Variants in CELF2 observed in about 807,000 individuals in gnomAD.
CELF2 encodes CUGBP Elav-like family member 2, also known as CUG triplet repeat RNA-binding protein 2.
In CELF2, 8 loss-of-function variants were observed where a neutral mutation model predicts 62.6. That is an observed-to-expected ratio of 0.13 (90% confidence interval 0.07 to 0.23). The LOEUF (loss-of-function observed/expected upper bound fraction) is 0.23, where lower values mean the gene tolerates loss of function less well. Among genes scored for constraint, CELF2 ranks in the 10% least tolerant of loss-of-function variants. The probability of loss-of-function intolerance (pLI) is 1.00; values close to 1 mark genes in which losing one functional copy is unlikely to be tolerated. For missense variants in CELF2, 333 were observed against 671.0 expected (o/e 0.50, Z 5.56); for synonymous variants, 258 against 250.0 (o/e 1.03, Z -0.30).
the CELF2 span, among the ~76,000 whole-genome samples, chr10:10,718,332 A>G: frequency 6.6e-6 from 1 of 152,168 alleles, no homozygotes; most frequent in East Asian, 1.9e-4. Context: ...AGACAAATCC[A>G]TGATTTCTTG....
At chr10:10,929,372 A>G (rs1017802122) in intron 2 of CELF2, among the ~76,000 whole-genome samples, 12 of 152,250 alleles carry the variant, frequency 7.9e-5, no homozygotes, top group Non-Finnish European at 1.5e-4. Context: ...TAACCCATGT[A>G]AAGTATTTAG....
chr10:11,088,735 G>A (rs371426509), intron 1 of CELF2, among the ~76,000 whole-genome samples: 8 of 152,216 alleles, frequency 5.3e-5, no homozygotes, highest in Admixed American at 3.9e-4. Context: ...TATGGACTGC[G>A]TGGGTCAGGA....
chr10:10,734,766 C>T, the CELF2 span, among the ~76,000 whole-genome samples: 17 of 152,150 alleles, frequency 1.1e-4, no homozygotes, highest in African/African-American at 4.1e-4. Context: ...GCATATGGCC[C>T]TTTCTAATAG....
chr10:11,199,242 A>G (rs561127000), intron 2 of CELF2, among the ~76,000 whole-genome samples: 1 of 152,308 alleles, frequency 6.6e-6, no homozygotes, highest in East Asian at 1.9e-4. Flanking sequence ...TATGAGATGC[A>G]TCACCTTGTT....
intron 2 of CELF2, among the ~76,000 whole-genome samples, chr10:11,215,363 G>T (rs573881371): frequency 6.6e-6 from 1 of 152,294 alleles, no homozygotes; most frequent in African/African-American, 2.4e-5. Flanking sequence ...TCTTAGCGTT[G>T]TTTAATTCTC....
rs1033954499 is a variant in CELF2, at chr10:10,972,624, G to C, written c.89+52625G>C. On this transcript the variant is annotated intron_variant, in intron 2 of 13. Coordinates refer to the CELF2 transcript ENST00000636488. This position sits in a 1 kb window ranked among gnomAD's most constrained non-coding sequence, Gnocchi z 4.4. ...CTACATATTGATGATTCTCAGTCCC[G>C]GTCTCCATGACTGACCTTGCTGTGT... Among the ~76,000 whole-genome samples the C allele has an allele frequency of 1.4e-4, 21 of 151,998 alleles. 1 individual carries two copies. The highest frequency in any genetic ancestry group is 4.8e-4 in the African/African-American group (20 of 41,370).
chr10:11,147,962 C>T (rs1201672103), intron 1 of CELF2, among the ~76,000 whole-genome samples: 2 of 152,186 alleles, frequency 1.3e-5, no homozygotes, highest in East Asian at 1.9e-4. Context: ...CTCCCTCAGA[C>T]GGCCACAGGG....
At chr10:10,627,959 G>A in the CELF2 span, among the ~76,000 whole-genome samples, 3 of 152,190 alleles carry the variant, frequency 2.0e-5, no homozygotes, top group Admixed American at 6.5e-5. Context: ...CTGGAGTGCA[G>A]TGGCACGATC....
chr10:10,790,772 C>T, the CELF2 span, among the ~76,000 whole-genome samples: 1 of 152,124 alleles, frequency 6.6e-6, no homozygotes, highest in South Asian at 2.1e-4. Flanking sequence ...TTATTTAAAT[C>T]ACAGTGTTCA....
In CELF2 at chr10:11,247,217, C is replaced by G. The variant is rs893865315; in HGVS notation, c.355-1936C>G. ...TCTTCTGTACCTGACCACATACTTT[C>G]AGACAAAATTTCAGTTCCTTAGCTT... On this transcript the variant is annotated intron_variant, in intron 3 of 12. Transcript: ENST00000633077. The surrounding 1 kb of genome is among the most constrained non-coding windows in gnomAD (Gnocchi z 5.4). Among the ~76,000 whole-genome samples, 1 of 152,236 alleles carries G rather than the reference C, an allele frequency of 6.6e-6. No individual in the cohort carries two copies. The highest frequency in any genetic ancestry group is 1.5e-5 in the Non-Finnish European group (1 of 68,046).
chr10:10,606,013 G>A, the CELF2 span, among the ~76,000 whole-genome samples: 1 of 152,166 alleles, frequency 6.6e-6, no homozygotes, highest in African/African-American at 2.4e-5. Flanking sequence ...AACCCTGAAT[G>A]TGACTCAGAA....
At chr10:10,704,051 A>G in the CELF2 span, among the ~76,000 whole-genome samples, 5 of 152,186 alleles carry the variant, frequency 3.3e-5, no homozygotes, top group African/African-American at 7.2e-5. Flanking sequence ...TGGAACTTCT[A>G]TCACTCTCAC....
chr10:10,820,661 CAGTT>C (rs547548417), intron 1 of CELF2, among the ~76,000 whole-genome samples: 5 of 152,236 alleles, frequency 3.3e-5, no homozygotes, highest in South Asian at 4.2e-4. Flanking sequence ...ATCTCTCACT[CAGTT>C]AGGGAAATCA....
chr10:10,939,735 A>G (rs1473027367), intron 2 of CELF2, among the ~76,000 whole-genome samples: 1 of 151,936 alleles, frequency 6.6e-6, no homozygotes, highest in African/African-American at 2.4e-5. Flanking sequence ...CGGACGGATC[A>G]CGAGGTCAGG....
Position 11,011,116 on chromosome 10 carries a change from G to C in CELF2, c.53+5676G>C, listed in dbSNP as rs1309980250. On this transcript the variant is annotated intron_variant, in intron 1 of 12. Transcript: ENST00000416382. The surrounding 1 kb of genome is among the most constrained non-coding windows in gnomAD (Gnocchi z 4.6). ...CCCATGCCTCACTTCTCTTGGGCTT[G>C]AATCTGTATAATGGGAACAGATGTT... The C allele has an allele frequency of 3.3e-5, 5 of 151,922 alleles. No individual in the cohort carries two copies. The highest frequency in any genetic ancestry group is 1.2e-4 in the African/African-American group (5 of 41,336). The allele number at this position is 151,922 out of a possible 1,614,324, so 9.4% of individuals were successfully genotyped here.
rs35750059 is a variant in CELF2 at position 11,244,658 on chromosome 10, C to CAAAAA, written c.355-4486_355-4482dup. On this transcript the variant is annotated intron_variant, in intron 3 of 12. Transcript: ENST00000633077. This position sits in a 1 kb window ranked among gnomAD's most constrained non-coding sequence, Gnocchi z 4.2. ...TAGGTGACAGAGCAAGACTCCGTCTCAAAAAAAAAAAAACAGCATAAAAAC... is the reference window on the plus strand; with the variant it reads ...TAGGTGACAGAGCAAGACTCCGTCTCAAAAAAAAAAAAAAAAAACAGCATAAAAAC... 7.0e-6 allele frequency among the ~76,000 whole-genome samples: 1 copy of CAAAAA among 142,402 alleles called. No homozygotes were observed. The highest frequency in any genetic ancestry group is 1.5e-5 in the Non-Finnish European group (1 of 65,352). The allele number at this position is 142,402 out of a possible 152,430, so 93.4% of individuals were successfully genotyped here.
chr10:11,003,297 A>AT (rs767424823), upstream of CELF2, among the ~76,000 whole-genome samples: 13 of 152,230 alleles, frequency 8.5e-5, no homozygotes, highest in Non-Finnish European at 1.5e-4. This position sits in a 1 kb window ranked among gnomAD's most constrained non-coding sequence, Gnocchi z 4.4. Context: ...GAACAGCCCC[A>AT]TATACTACAA....
chr10:10,845,952 T>C (rs1156814902), intron 1 of CELF2: 4 of 186,204 alleles, frequency 2.1e-5, no homozygotes, highest in African/African-American at 9.5e-5. Context: ...GGTTCCGTAA[T>C]GAGCAAATTA....
intron 1 of CELF2, among the ~76,000 whole-genome samples, chr10:10,851,206 T>C (rs577144540): frequency 6.6e-6 from 1 of 152,340 alleles, no homozygotes; most frequent in African/African-American, 2.4e-5. Context: ...CATCTTTCTT[T>C]TTCAAAACAC....
Sources: gnomAD v4.1 joint callset for allele counts (sites outside exome capture counted in the v4.1 genomes callset) on GRCh38, gnomAD v4.1.1 for gene constraint, Gnocchi (gnomAD v3.1) non-coding constraint, MANE v1.5 for transcripts, NCBI Gene and HGNC (gene_info 2026-07-23, HGNC 2026-07-21) for gene names.